TG: variants seen among roughly 807,000 people sequenced by gnomAD.
TG encodes thyroglobulin.
TG carries 270 observed loss-of-function variants against 324.7 expected under a neutral mutation model. That is an observed-to-expected ratio of 0.83 (90% CI 0.75 to 0.92). The LOEUF is 0.92. Among genes scored for constraint, TG ranks in the 40% least tolerant of loss-of-function variants. The pLI, the probability that TG is intolerant of heterozygous loss-of-function variation, is 0.00. For synonymous variants in TG, 1,401 were observed against 1,327.0 expected (o/e 1.06, Z -1.21); for missense variants, 3,591 against 3,456.4 (o/e 1.04, Z -0.98).
intron 25 of TG, among the ~76,000 whole-genome samples, chr8:132,939,253 A>G (rs1824067051): frequency 6.6e-6 from 1 of 152,134 alleles, no homozygotes; most frequent in African/African-American, 2.4e-5. Context: ...GAAGGTTGCT[A>G]TTGCAATATT....
chr8:133,047,684 G>A (rs1473451685), intron 41 of TG: 1 of 673,580 alleles, frequency 1.5e-6, no homozygotes, highest in South Asian at 1.6e-5. Flanking sequence ...CTCCCCAGCA[G>A]CGTGTGGGCT....
At chr8:133,127,642 G>A (rs1851621290) in intron 45 of TG, among the ~76,000 whole-genome samples, 1 of 152,154 alleles carries the variant, frequency 6.6e-6, no homozygotes, top group East Asian at 1.9e-4. Flanking sequence ...ACCTTTCGAA[G>A]AATTAGATTC....
intron 5 of TG, among the ~76,000 whole-genome samples, chr8:132,875,664 T>A (rs1229425707): frequency 6.6e-6 from 1 of 152,210 alleles, no homozygotes; most frequent in Admixed American, 6.5e-5. Flanking sequence ...AAGAGGGCAG[T>A]CGAGTTAAAT....
intron 41 of TG, chr8:133,045,114 C>T (rs1839068731): frequency 6.2e-7 from 1 of 1,614,014 alleles, no homozygotes; most frequent in Admixed American, 1.7e-5. Context: ...GTGAGTAAAA[C>T]CCTGCAGGAG....
Position 132,888,362 on chromosome 8 carries a change from G to A in TG, c.2555G>A (p.Gly852Glu), listed in dbSNP as rs1815725895. ...LQDVPLAALE[G>E]KRPQPRENIL... ...GATGTCCCACTAGCAGCACTGGAAG[G>A]GAAACGGCCCCAGCCCAGGGAGAAT... Residue 852 changes from glycine (G) to glutamate (E), a missense_variant, in exon 10 of 48, where the codon GGG becomes GAG. Physicochemically the swap from Gly to Glu is moderately conservative, Grantham distance 98 (BLOSUM62 -2). Coordinates refer to ENST00000220616, the MANE Select transcript of TG (RefSeq NM_003235.5). The A allele has an allele frequency of 6.2e-7, 1 of 1,614,114 alleles. No individual in the cohort carries two copies. Among genetic ancestry groups the A allele is most frequent in the Non-Finnish European group, 8.5e-7 (1 of 1,180,024 alleles).
chr8:133,113,692 G>T lies in TG; in HGVS notation c.7754+89G>T, dbSNP rs951135338. 2.1e-6 allele frequency: 3 copies of T among 1,456,482 alleles called. No homozygotes were observed. The Admixed American group carries it at 5.9e-5, about 29-fold the overall frequency. 90.2% of individuals were successfully genotyped at this position (1,456,482 alleles called of 1,614,324 possible). On this transcript the variant is annotated intron_variant, in intron 44 of 47. Transcript: ENST00000220616. The stretch of plus-strand genomic sequence containing the variant: ...GTTCAGGTCATGAATGAGAAATAAA[G>T]GCACGTGGCTTTGTGCTTGAGGTTT...
chr8:132,969,775 G>C (rs373710675), intron 32 of TG, among the ~76,000 whole-genome samples: 1 of 152,118 alleles, frequency 6.6e-6, no homozygotes, highest in East Asian at 1.9e-4. Flanking sequence ...GCTGGGCATG[G>C]TGGCGGCACA....
chr8:132,869,400 C>T (rs2132032215), intron 2 of TG, among the ~76,000 whole-genome samples: 2 of 152,280 alleles, frequency 1.3e-5, no homozygotes, highest in Middle Eastern at 6.8e-3. Flanking sequence ...CTGCCTTTAC[C>T]CTCTGCAGCC....
chr8:132,901,518 G>A lies in TG; in HGVS notation c.3599G>A (p.Gly1200Glu). The change falls in exon 16 of 48, where the codon GGG becomes GAG. Residue 1200 changes from glycine to glutamate, a missense_variant. Gly to Glu is a moderately conservative substitution (Grantham distance 98). Transcript: ENST00000220616. The part of the protein sequence containing the change: ...CVMDSGEEVP[G>E]TRVTGGQPAC... ...ATGGACAGCGGAGAAGAGGTGCCTG[G>A]GACGCGCGTGACCGGGGGCCAGCCC... 7 of 1,613,882 alleles carry A rather than the reference G, an allele frequency of 4.3e-6. No individual in the cohort carries two copies. Among genetic ancestry groups the A allele is most frequent in the African/African-American group, 1.3e-5 (1 of 75,066 alleles).
At chr8:133,094,782 A>G in intron 41 of TG, 1 of 553,776 alleles carries the variant, frequency 1.8e-6, no homozygotes, top group South Asian at 2.0e-5. Flanking sequence ...TGCACAGCCA[A>G]GACTGAAGGT....
At chr8:133,132,746 G>T (rs554130906) in intron 46 of TG, among the ~76,000 whole-genome samples, 1 of 152,328 alleles carries the variant, frequency 6.6e-6, no homozygotes, top group African/African-American at 2.4e-5. Context: ...TATGCAGTTT[G>T]TTATGGGAGT....
rs1031907068 is a variant in TG, at chr8:132,887,143, G to A, written c.1771G>A (p.Val591Met). 6.2e-7 allele frequency: 1 copy of A among 1,614,194 alleles called. No homozygotes were observed. Among genetic ancestry groups the A allele is most frequent in the Non-Finnish European group, 8.5e-7 (1 of 1,180,034 alleles). Reference protein sequence around the residue: ...LQHAISVPEDVARDLGDVMET... With the variant: ...LQHAISVPEDMARDLGDVMET... ...ACATGCTATCTCTGTGCCAGAAGATGTGGCAAGAGATTTAGGTGATGTGAT... is the reference window on the plus strand; with the variant it reads ...ACATGCTATCTCTGTGCCAGAAGATATGGCAAGAGATTTAGGTGATGTGAT... Residue 591 changes from valine to methionine, a missense_variant, in exon 9 of 48, where the codon GTG (valine) becomes ATG (methionine). By Grantham distance (21) the Val-to-Met change is conservative. Coordinates refer to ENST00000220616, the MANE Select transcript of TG (RefSeq NM_003235.5).
At chr8:132,898,146 T>C (rs1177049947) in intron 12 of TG, 23 bp from the exon 13 acceptor site, 2 of 1,584,182 alleles carry the variant, frequency 1.3e-6, no homozygotes, top group Non-Finnish European at 1.7e-6. Flanking sequence ...TTCCTGAATG[T>C]TCTCCCCTTG....
intron 16 of TG, among the ~76,000 whole-genome samples, chr8:132,905,891 A>G (rs1040779743): frequency 6.6e-6 from 1 of 152,226 alleles, no homozygotes; most frequent in African/African-American, 2.4e-5. Context: ...TCTTCCAGAC[A>G]GGAGCAGGCA....
intron 1 of TG, 92 bp from the exon 2 acceptor site, chr8:132,868,023 C>T: frequency 8.7e-7 from 1 of 1,152,900 alleles, no homozygotes; most frequent in Non-Finnish European, 1.3e-6. Context: ...ATGATGATGA[C>T]CCTGGAAAAG....
chr8:132,903,221 C>A (rs187129495), intron 16 of TG, among the ~76,000 whole-genome samples: 2 of 152,212 alleles, frequency 1.3e-5, no homozygotes, highest in African/African-American at 4.8e-5. Context: ...TATAAGGGAG[C>A]AGTTCATTGG....
chr8:132,877,296 C>A (rs760869750), intron 5 of TG, among the ~76,000 whole-genome samples: 1 of 152,100 alleles, frequency 6.6e-6, no homozygotes, highest in Non-Finnish European at 1.5e-5. Flanking sequence ...TGCGCCACCC[C>A]ACATGGCTAA....
chr8:133,117,377 G>A (rs1446350267), intron 45 of TG, among the ~76,000 whole-genome samples: 5 of 152,220 alleles, frequency 3.3e-5, no homozygotes, highest in Admixed American at 2.6e-4. Flanking sequence ...TGACAGGGAC[G>A]CACGTGATCT....
chr8:132,871,542 C>A lies in TG; in HGVS notation c.469C>A (p.Pro157Thr), dbSNP rs1563887596. The change falls in exon 4 of 48, where the codon CCA (proline) becomes ACA (threonine). Residue 157 changes from proline (P) to threonine (T), a missense_variant. Pro to Thr is a conservative substitution (Grantham distance 38). Coordinates refer to ENST00000220616, the MANE Select transcript of TG (RefSeq NM_003235.5). ...EVYGTRQLGR[P>T]KRCPRSCEIR... is the part of the protein sequence containing the mutation. Reference sequence around the variant, plus strand: ...GTATGGGACCCGCCAGCTGGGGAGGCCAAAGCGATGTGAGTTTCACTGAGC... The same window carrying A: ...GTATGGGACCCGCCAGCTGGGGAGGACAAAGCGATGTGAGTTTCACTGAGC... The A allele has an allele frequency of 1.2e-6, 2 of 1,613,456 alleles. No individual in the cohort carries two copies. Among genetic ancestry groups the A allele is most frequent in the Non-Finnish European group, 1.7e-6 (2 of 1,179,586 alleles).
Sources: gnomAD v4.1 joint callset for allele counts (sites outside exome capture counted in the v4.1 genomes callset) on GRCh38, gnomAD v4.1.1 for gene constraint, MANE v1.5 for transcripts, NCBI Gene and HGNC (gene_info 2026-07-23, HGNC 2026-07-21) for gene names.